The following ANKRD17 variants were observed in gnomAD, a reference collection of about 807,000 sequenced individuals.
The protein encoded by ANKRD17 is ankyrin repeat domain-containing protein 17.
ANKRD17 carries 19 observed loss-of-function variants against 229.7 expected under a neutral mutation model. The observed-to-expected ratio is 0.08, with a 90% confidence interval of 0.06 to 0.12. ANKRD17 has a LOEUF of 0.12. Ranked by LOEUF, ANKRD17 falls within the 10% of genes least tolerant of loss-of-function variation. ANKRD17 has a pLI of 1.00. For missense variants in ANKRD17, 2,176 were observed against 3,176.8 expected (o/e 0.68, Z 7.57); for synonymous variants, 1,112 against 1,146.1 (o/e 0.97, Z 0.60).
intron 11 of ANKRD17, among the ~76,000 whole-genome samples, chr4:73,143,056 C>A (rs1729806825): frequency 6.6e-6 from 1 of 152,136 alleles, no homozygotes; most frequent in Non-Finnish European, 1.5e-5. Flanking sequence ...GTACCCATTA[C>A]TCCTAATGTA....
intron 29 of ANKRD17, among the ~76,000 whole-genome samples, chr4:73,086,919 A>AAAAAATATATAT (rs1553911000): frequency 8.0e-5 from 1 of 12,464 alleles, no homozygotes; most frequent in African/African-American, 2.6e-4. Context: ...AAAAAAAAAA[A>AAAAAATATATAT]ATATATATAT....
intron 1 of ANKRD17, among the ~76,000 whole-genome samples, chr4:73,250,737 C>T (rs1240932063): frequency 6.6e-6 from 1 of 150,978 alleles, no homozygotes; most frequent in African/African-American, 2.4e-5. Context: ...GACAGAGTCT[C>T]ACTCTGTCGC....
Position 73,075,744 on chromosome 4 carries a change from T to C in ANKRD17, c.*487A>G, listed in dbSNP as rs1720954516. On this transcript the variant is annotated 3_prime_UTR_variant, in exon 34 of 34. Transcript: ENST00000358602. ...ACATCCAGATTTCTGAATATGAAGG[T>C]ACATATCTCACATTAATTTAAGTCT... 1 of 152,784 alleles carries C rather than the reference T, an allele frequency of 6.5e-6. No homozygotes were observed. The allele number at this position is 152,784 out of a possible 1,614,324, so 9.5% of individuals were successfully genotyped here.
intron 3 of ANKRD17, among the ~76,000 whole-genome samples, chr4:73,158,984 G>A (rs567265482): frequency 1.3e-4 from 20 of 152,280 alleles, no homozygotes; most frequent in Non-Finnish European, 1.5e-4. Context: ...CCTGTTACAC[G>A]CAACAGAAAA....
intron 23 of ANKRD17, among the ~76,000 whole-genome samples, 179 bp from the exon 24 acceptor site, chr4:73,114,087 C>A: frequency 6.6e-6 from 1 of 152,218 alleles, no homozygotes; most frequent in East Asian, 1.9e-4. Context: ...GGAATATATA[C>A]AAATGAAGAA....
In ANKRD17 at chr4:73,087,236, C is replaced by T. The variant is rs138364076; in HGVS notation, c.6962-1790G>A. ...AAGTAGGTGGGATTACAGGTACATGCCACCACACCCAGCTTTTTTATTTAT... is the reference window on the plus strand; with the variant it reads ...AAGTAGGTGGGATTACAGGTACATGTCACCACACCCAGCTTTTTTATTTAT... On this transcript the variant is annotated intron_variant, in intron 29 of 33. Transcript: ENST00000358602. Among the ~76,000 whole-genome samples the T allele has an allele frequency of 3.9e-3, 590 of 151,768 alleles. 3 individuals are homozygous for T. The highest frequency in any genetic ancestry group is 0.014 in the African/African-American group (560 of 41,322).
chr4:73,149,470 GGAACCCTTTTTGGA>G (rs1730711701), intron 7 of ANKRD17, among the ~76,000 whole-genome samples: 1 of 152,134 alleles, frequency 6.6e-6, no homozygotes, highest in Admixed American at 6.6e-5. Context: ...AGAAAAAAAT[GGAACCCTTTTTGGA>G]GAAGTGGGGG....
intron 1 of ANKRD17, among the ~76,000 whole-genome samples, chr4:73,257,074 G>T (rs1348791378): frequency 6.6e-6 from 1 of 152,210 alleles, no homozygotes. Flanking sequence ...TTGTGGAAGA[G>T]AATAAATAGT....
intron 1 of ANKRD17, among the ~76,000 whole-genome samples, chr4:73,183,624 A>C (rs1225697986): frequency 1.3e-5 from 2 of 152,006 alleles, no homozygotes; most frequent in African/African-American, 4.8e-5. Context: ...CAGGCGCATG[A>C]TACCAGGCCC....
intron 1 of ANKRD17, among the ~76,000 whole-genome samples, chr4:73,227,560 T>C (rs34687745): frequency 0.01 from 1,559 of 152,240 alleles, 19 homozygotes; most frequent in Non-Finnish European, 0.015. Flanking sequence ...AAAGTGTAAA[T>C]AGCAATTAAC....
chr4:73,239,965 CTTTT>C (rs1285037688), intron 1 of ANKRD17, among the ~76,000 whole-genome samples: 1 of 152,100 alleles, frequency 6.6e-6, no homozygotes, highest in African/African-American at 2.4e-5. Context: ...ACAAGCTCTT[CTTTT>C]TTGACATTTT....
intron 1 of ANKRD17, among the ~76,000 whole-genome samples, chr4:73,240,536 G>A (rs1359843428): frequency 6.6e-6 from 1 of 151,674 alleles, no homozygotes; most frequent in African/African-American, 2.4e-5. Flanking sequence ...GAGGTGGGAG[G>A]AACACTTGAG....
In ANKRD17 at chr4:73,120,168, A is replaced by G. The variant is rs1393138799; in HGVS notation, c.4019T>C (p.Ile1340Thr). 6 of 1,613,986 alleles carry G rather than the reference A, an allele frequency of 3.7e-6. No individual in the cohort carries two copies. The highest frequency in any genetic ancestry group is 5.1e-6 in the Non-Finnish European group (6 of 1,179,986). ...KGHYKFCELL[I>T]GRGAHIDVRN... is the part of the protein sequence containing the mutation. ...GGGTATGGTAACAACATACCTGCCA[A>G]TAAGAAGCTCACAGAATTTGTAATG... is the stretch of plus-strand genomic sequence containing the variant. The change falls in exon 21 of 34, where the codon ATT (isoleucine) becomes ACT (threonine). Residue 1340 changes from isoleucine (I) to threonine (T), a missense_variant. This residue lies in a region of ANKRD17 where 178 missense variants were observed against 421.7 expected (regional missense o/e 0.42). Coordinates refer to ENST00000358602, the MANE Select transcript of ANKRD17 (RefSeq NM_032217.5).
intron 31 of ANKRD17, among the ~76,000 whole-genome samples, chr4:73,078,301 C>A (rs559850732): frequency 6.6e-6 from 1 of 151,872 alleles, no homozygotes; most frequent in Admixed American, 6.6e-5. Context: ...GGCATGAACC[C>A]GGGAGGCGGA....
intron 1 of ANKRD17, among the ~76,000 whole-genome samples, chr4:73,249,084 T>C (rs1487275111): frequency 6.6e-6 from 1 of 152,146 alleles, no homozygotes; most frequent in Non-Finnish European, 1.5e-5. Flanking sequence ...GGAAAATAGA[T>C]CTCTATGGTA....
chr4:73,237,171 T>G (rs1231298475), intron 1 of ANKRD17, among the ~76,000 whole-genome samples: 1 of 152,168 alleles, frequency 6.6e-6, no homozygotes, highest in Non-Finnish European at 1.5e-5. Flanking sequence ...GATTAAGATA[T>G]ATGAATCTTA....
intron 1 of ANKRD17, among the ~76,000 whole-genome samples, chr4:73,249,187 A>G (rs1480769765): frequency 6.6e-6 from 1 of 152,278 alleles, no homozygotes; most frequent in African/African-American, 2.4e-5. Context: ...TAAGCTAATT[A>G]AGAGATGATC....
intron 25 of ANKRD17, chr4:73,099,102 A>G (rs1723638002): frequency 1.2e-6 from 1 of 801,476 alleles, no homozygotes; most frequent in Admixed American, 1.9e-5. Context: ...GAGAAGGAGG[A>G]AGAGGAGGGC....
chr4:73,215,081 A>G (rs1049157381), intron 1 of ANKRD17, among the ~76,000 whole-genome samples: 18 of 152,242 alleles, frequency 1.2e-4, no homozygotes, highest in Admixed American at 1.1e-3. Context: ...AATTTGGCAG[A>G]CATTTTCTCA....
Sources: allele counts gnomAD v4.1 joint callset (sites outside exome capture counted in the v4.1 genomes callset), GRCh38; gene constraint gnomAD v4.1.1; regional missense constraint gnomAD v4.1.1; transcripts MANE v1.5; gene names NCBI Gene and HGNC (gene_info 2026-07-23, HGNC 2026-07-21).